The following SPEF2 variants were observed in gnomAD, a reference collection of about 807,000 sequenced individuals.
The protein encoded by SPEF2 is sperm flagella and cilia-associated protein 2.
A neutral mutation model predicts 224.6 loss-of-function variants in SPEF2; 187 were observed. The observed-to-expected ratio is 0.83, with a 90% CI of 0.74 to 0.94. The LOEUF is 0.94. Among genes scored for constraint, SPEF2 ranks in the 40% least tolerant of loss-of-function variants. The probability of loss-of-function intolerance (pLI) is 0.00; values close to 1 mark genes in which losing one functional copy is unlikely to be tolerated. For missense variants in SPEF2, 2,170 were observed against 2,135.6 expected (o/e 1.02, Z -0.32); for synonymous variants, 715 against 707.3 (o/e 1.01, Z -0.17).
At chr5:35,797,929 G>C (rs776781502) in intron 33 of SPEF2, among the ~76,000 whole-genome samples, 2 of 152,106 alleles carry the variant, frequency 1.3e-5, no homozygotes, top group Non-Finnish European at 2.9e-5. Context: ...TCAGTCAATG[G>C]CAACCCTATC....
chr5:35,667,766 A>G (rs1750695789), intron 9 of SPEF2, among the ~76,000 whole-genome samples: 1 of 152,142 alleles, frequency 6.6e-6, no homozygotes. Flanking sequence ...CAAACTGCCT[A>G]TCCCACAAAA....
At chr5:35,746,347 A>G (rs899761784) in intron 23 of SPEF2, among the ~76,000 whole-genome samples, 1 of 152,234 alleles carries the variant, frequency 6.6e-6, no homozygotes, top group African/African-American at 2.4e-5. Context: ...AAAAGAATTC[A>G]GGAGGTTAGT....
chr5:35,630,413 C>T (rs929722718), intron 2 of SPEF2, among the ~76,000 whole-genome samples: 2 of 152,174 alleles, frequency 1.3e-5, no homozygotes, highest in East Asian at 3.9e-4. Flanking sequence ...TGCTTTGCTG[C>T]TTAGAAATTT....
At chr5:35,632,173 C>G (rs1745227746) in intron 2 of SPEF2, among the ~76,000 whole-genome samples, 1 of 152,106 alleles carries the variant, frequency 6.6e-6, no homozygotes, top group Non-Finnish European at 1.5e-5. Flanking sequence ...TGTCCGGTAC[C>G]AATTTACTGT....
chr5:35,705,876 G>A, intron 18 of SPEF2, 68 bp downstream of exon 18: 1 of 1,034,806 alleles, frequency 9.7e-7, no homozygotes, highest in Non-Finnish European at 1.4e-6. Context: ...GAGTTTGGTA[G>A]GAAATGAAGA....
intron 10 of SPEF2, chr5:35,683,838 A>G (rs1259396413): frequency 2.0e-5 from 3 of 152,256 alleles, no homozygotes; most frequent in Non-Finnish European, 4.4e-5. Flanking sequence ...TTATGCAGGT[A>G]CAATTAAAAT....
In SPEF2 at chr5:35,687,742, TAA is replaced by T. The variant is rs552283357; in HGVS notation, c.1525-3294_1525-3293del. ...TAGCACTTTTGTTGTCATTAAACAT[TAA>T]GTTAGATTAATTTGGAGGAGAATTA... On this transcript the variant is annotated intron_variant, in intron 10 of 36. Coordinates refer to ENST00000356031, the MANE Select transcript of SPEF2 (RefSeq NM_024867.4). 7.9e-4 allele frequency among the ~76,000 whole-genome samples: 120 copies of T among 152,274 alleles called. 1 individual carries two copies. The highest frequency in any genetic ancestry group is 2.8e-3 in the African/African-American group (118 of 41,572).
In SPEF2 at chr5:35,795,770, T is replaced by A; in HGVS notation, c.4805T>A (p.Phe1602Tyr). 6.2e-7 allele frequency: 1 copy of A among 1,613,798 alleles called. No homozygotes were observed. Among genetic ancestry groups the A allele is most frequent in the Non-Finnish European group, 8.5e-7 (1 of 1,179,672 alleles). Residue 1602 changes from phenylalanine (F) to tyrosine (Y), a missense_variant, in exon 33 of 37, where the codon TTT becomes TAT. Coordinates refer to ENST00000356031, the MANE Select transcript of SPEF2 (RefSeq NM_024867.4). The stretch of plus-strand genomic sequence containing the variant: ...GAAAATCCTCTTGAACCCCTTCCAT[T>A]TAATAGGCAGGAGCATCTTATAGAG... ...IPENPLEPLP[F>Y]NRQEHLIEFF...
chr5:35,688,739 T>C (rs1754014821), intron 10 of SPEF2, among the ~76,000 whole-genome samples: 1 of 152,222 alleles, frequency 6.6e-6, no homozygotes, highest in Non-Finnish European at 1.5e-5. Flanking sequence ...GTCGTTGCAA[T>C]ACTCAGATTT....
At chr5:35,635,616 T>C (rs1745725899) in intron 2 of SPEF2, among the ~76,000 whole-genome samples, 2 of 152,200 alleles carry the variant, frequency 1.3e-5, no homozygotes, top group Admixed American at 1.3e-4. Context: ...CTATGTATAA[T>C]GTTAACACTG....
intron 12 of SPEF2, 61 bp from the exon 13 acceptor site, chr5:35,694,227 G>A (rs1336261712): frequency 2.1e-5 from 26 of 1,263,588 alleles, no homozygotes; most frequent in Non-Finnish European, 2.8e-5. Context: ...TATAAAATTA[G>A]GAGGATTATT....
At chr5:35,674,286 G>A (rs933357871) in intron 10 of SPEF2, among the ~76,000 whole-genome samples, 1 of 147,934 alleles carries the variant, frequency 6.8e-6, no homozygotes, top group African/African-American at 2.5e-5. Context: ...CCTTCCTGCT[G>A]TGTTCTCACA....
At chr5:35,768,824 G>A (rs2149775235) in intron 26 of SPEF2, among the ~76,000 whole-genome samples, 1 of 152,204 alleles carries the variant, frequency 6.6e-6, no homozygotes, top group South Asian at 2.1e-4. Context: ...TTGTTGTGGG[G>A]CAAATAGCAC....
chr5:35,809,918 C>A (rs143426191), intron 36 of SPEF2, among the ~76,000 whole-genome samples: 1 of 152,158 alleles, frequency 6.6e-6, no homozygotes, highest in African/African-American at 2.4e-5. Context: ...TTGCAAAATC[C>A]TTTGGAATTA....
At chr5:35,700,271 G>A (rs1434781683) in intron 15 of SPEF2, 6 of 562,964 alleles carry the variant, frequency 1.1e-5, no homozygotes, top group Admixed American at 6.2e-5. Context: ...ATGTGTTAAA[G>A]CCTCTGGAAT....
intron 20 of SPEF2, among the ~76,000 whole-genome samples, chr5:35,713,443 A>T (rs774629588): frequency 1.3e-4 from 20 of 152,034 alleles, no homozygotes; most frequent in Non-Finnish European, 2.8e-4. Flanking sequence ...ACAATTAAAA[A>T]TATGAACTGG....
At chr5:35,670,792 C>T (rs1751136761) in intron 10 of SPEF2, 1 of 981,468 alleles carries the variant, frequency 1.0e-6, no homozygotes, top group Non-Finnish European at 1.2e-6. Context: ...TTGCCAACTA[C>T]TAACTGTGTG....
intron 34 of SPEF2, among the ~76,000 whole-genome samples, chr5:35,802,626 C>T (rs891937889): frequency 2.0e-5 from 3 of 152,242 alleles, no homozygotes; most frequent in African/African-American, 7.2e-5. Flanking sequence ...GACATACAAA[C>T]AGAGGCCCAA....
intron 10 of SPEF2, among the ~76,000 whole-genome samples, chr5:35,682,193 A>G (rs1013156): frequency 0.62 from 94,328 of 151,990 alleles, 30,381 homozygotes; most frequent in African/African-American, 0.78. Flanking sequence ...GTTACAGTAC[A>G]TTGGCTGCCC....
Sources: allele counts gnomAD v4.1 joint callset (sites outside exome capture counted in the v4.1 genomes callset), GRCh38; gene constraint gnomAD v4.1.1; transcripts MANE v1.5; gene names NCBI Gene and HGNC (gene_info 2026-07-23, HGNC 2026-07-21).